The following NEK1 variants were observed in gnomAD, a reference collection of about 807,000 sequenced individuals.
The protein encoded by NEK1 is NIMA related kinase 1, also known as serine/threonine-protein kinase Nek1.
NEK1 carries 137 observed loss-of-function variants against 182.1 expected under a neutral mutation model. The observed-to-expected ratio is 0.75, with a 90% CI of 0.65 to 0.87. NEK1 has a LOEUF of 0.87. Among genes scored for constraint, NEK1 ranks in the 40% least tolerant of loss-of-function variants. The pLI, the probability that NEK1 is intolerant of heterozygous loss-of-function variation, is 0.00. For missense variants in NEK1, 1,391 were observed against 1,494.4 expected (o/e 0.93, Z 1.14); for synonymous variants, 513 against 492.2 (o/e 1.04, Z -0.56).
intron 11 of NEK1, among the ~76,000 whole-genome samples, 169 bp downstream of exon 11, chr4:169,580,673 T>C (rs1766486719): frequency 6.6e-6 from 1 of 151,954 alleles, no homozygotes; most frequent in South Asian, 2.1e-4. Context: ...GTTATTAATT[T>C]ATAAGAAACT....
At chr4:169,477,015 T>G in intron 26 of NEK1, 109 bp downstream of exon 26, 1 of 717,066 alleles carries the variant, frequency 1.4e-6, no homozygotes, top group East Asian at 2.8e-5. Context: ...ATAGAATTCT[T>G]TCAGCTTCTC....
intron 12 of NEK1, among the ~76,000 whole-genome samples, chr4:169,567,989 C>T (rs1188294423): frequency 1.3e-5 from 2 of 152,180 alleles, no homozygotes; most frequent in Non-Finnish European, 2.9e-5. Context: ...AAAACCAACA[C>T]ATTACTTGAT....
At chr4:169,451,599 A>G (rs1006108261) in intron 27 of NEK1, among the ~76,000 whole-genome samples, 3 of 152,234 alleles carry the variant, frequency 2.0e-5, no homozygotes, top group Non-Finnish European at 4.4e-5. Flanking sequence ...GAGAACAAAG[A>G]CACAACATAC....
At chr4:169,423,713 T>C (rs2111323992) in intron 31 of NEK1, among the ~76,000 whole-genome samples, 1 of 152,224 alleles carries the variant, frequency 6.6e-6, no homozygotes. Flanking sequence ...TTTAGGGAAA[T>C]AATTGTAGAT....
At chr4:169,481,595 A>AT (rs375367119) in intron 23 of NEK1, among the ~76,000 whole-genome samples, 31 of 150,998 alleles carry the variant, frequency 2.1e-4, no homozygotes, top group African/African-American at 5.8e-4. Flanking sequence ...TTTGGAAATA[A>AT]TTTTTTTTTT....
At chr4:169,558,679 A>T (rs1762484807) in intron 16 of NEK1, among the ~76,000 whole-genome samples, 1 of 152,238 alleles carries the variant, frequency 6.6e-6, no homozygotes, top group African/African-American at 2.4e-5. Context: ...TAATCACCAT[A>T]TAACCATACA....
intron 19 of NEK1, among the ~76,000 whole-genome samples, chr4:169,511,077 T>G (rs992075379): frequency 6.6e-6 from 1 of 152,174 alleles, no homozygotes; most frequent in Non-Finnish European, 1.5e-5. Flanking sequence ...TAAGCACTGT[T>G]GATCTTAAAC....
intron 18 of NEK1, among the ~76,000 whole-genome samples, chr4:169,543,742 G>A (rs1270321339): frequency 6.6e-6 from 1 of 152,130 alleles, no homozygotes; most frequent in Non-Finnish European, 1.5e-5. Context: ...TATTCTCTTT[G>A]TAGCAATTGT....
intron 18 of NEK1, among the ~76,000 whole-genome samples, chr4:169,551,248 G>C (rs751979952): frequency 6.6e-6 from 1 of 152,146 alleles, no homozygotes; most frequent in Non-Finnish European, 1.5e-5. Context: ...CAATAAAACA[G>C]GCACTATCAT....
At chr4:169,523,426 A>G (rs964580819) in intron 19 of NEK1, among the ~76,000 whole-genome samples, 2 of 152,218 alleles carry the variant, frequency 1.3e-5, no homozygotes, top group Non-Finnish European at 2.9e-5. Context: ...CACACACAGC[A>G]AGAACACAAC....
chr4:169,482,155 C>G (rs971950749), intron 23 of NEK1, among the ~76,000 whole-genome samples: 11 of 152,208 alleles, frequency 7.2e-5, no homozygotes, highest in African/African-American at 2.4e-4. Flanking sequence ...TCCTAGTCTT[C>G]ACGGAATTGA....
intron 2 of NEK1, among the ~76,000 whole-genome samples, chr4:169,609,348 C>T (rs1050956573): frequency 2.6e-5 from 4 of 152,104 alleles, no homozygotes; most frequent in African/African-American, 9.7e-5. Flanking sequence ...CAATTTCTAG[C>T]AATTTACCCT....
chr4:169,555,897 A>G (rs775729848), intron 17 of NEK1, 35 bp downstream of exon 17: 2 of 1,613,356 alleles, frequency 1.2e-6, no homozygotes, highest in Admixed American at 1.7e-5. Context: ...TCTCAGAAGC[A>G]AAGCATAAGC....
intron 34 of NEK1, 47 bp from the exon 35 acceptor site, chr4:169,400,404 T>C: frequency 5.6e-6 from 8 of 1,438,614 alleles, no homozygotes; most frequent in Non-Finnish European, 7.4e-6. Flanking sequence ...TAACTTTCTG[T>C]AATTGCAGAC....
intron 23 of NEK1, among the ~76,000 whole-genome samples, chr4:169,494,921 C>A (rs561603460): frequency 6.6e-6 from 1 of 152,310 alleles, no homozygotes; most frequent in African/African-American, 2.4e-5. Context: ...TGTTCATATC[C>A]TTCGCCCACT....
chr4:169,512,218 C>A (rs1420692891), intron 19 of NEK1, among the ~76,000 whole-genome samples: 1 of 152,102 alleles, frequency 6.6e-6, no homozygotes, highest in African/African-American at 2.4e-5. Context: ...ATGGCTGTAT[C>A]ATTTTACATT....
At chr4:169,401,484 A>C (rs1252328684) in intron 33 of NEK1, among the ~76,000 whole-genome samples, 168 bp downstream of exon 33, 1 of 152,204 alleles carries the variant, frequency 6.6e-6, no homozygotes, top group African/African-American at 2.4e-5. Flanking sequence ...ATGGAAAATC[A>C]CACATTTGTA....
In NEK1 at chr4:169,424,748, C is replaced by A; in HGVS notation, c.3027G>T (p.Val1009=). ...CCTTATGGAAAAATGGTTCCGGTTG[C>A]ACAGACTTATCTACATCACATTTAG... The part of the protein sequence containing the change: ...QHSKCDVDKS[V]QPEPFFHKVV... Residue 1009 remains valine, a synonymous_variant, in exon 31 of 36, where the codon GTG becomes GTT. Transcript: ENST00000507142. 1 of 1,613,808 alleles carries A rather than the reference C, an allele frequency of 6.2e-7. No homozygotes were observed. Among genetic ancestry groups the A allele is most frequent in the Non-Finnish European group, 8.5e-7 (1 of 1,179,778 alleles).
intron 12 of NEK1, among the ~76,000 whole-genome samples, chr4:169,567,495 G>A (rs1413303751): frequency 6.6e-6 from 1 of 151,926 alleles, no homozygotes; most frequent in Non-Finnish European, 1.5e-5. Flanking sequence ...CCACCTCCCA[G>A]GTTCAAGTGA....
Sources: gnomAD v4.1 joint callset for allele counts (sites outside exome capture counted in the v4.1 genomes callset) on GRCh38, gnomAD v4.1.1 for gene constraint, MANE v1.5 for transcripts, NCBI Gene and HGNC (gene_info 2026-07-23, HGNC 2026-07-21) for gene names.